ZNF30: variants seen among roughly 807,000 people sequenced by gnomAD.
ZNF30 encodes the protein zinc finger protein 30 (KOX 28).
ZNF30 carries 15 observed loss-of-function variants against 13.2 expected under a neutral mutation model. The ratio of observed to expected loss-of-function variants is 1.13; its 90% CI spans 0.76 to 1.75. The LOEUF (loss-of-function observed/expected upper bound fraction) is 1.75. Ranked by LOEUF, ZNF30 falls within the 40% of genes most tolerant of loss-of-function variation. The pLI, the probability that ZNF30 is intolerant of heterozygous loss-of-function variation, is 0.00. For missense variants in ZNF30, 726 were observed against 757.0 expected, an observed-to-expected ratio of 0.96 and a Z score of 0.48; for synonymous variants, 223 against 256.6, an observed-to-expected ratio of 0.87 and a Z score of 1.25.
intron 4 of ZNF30, among the ~76,000 whole-genome samples, chr19:34,938,547 C>CTA (rs1171754659): frequency 6.6e-6 from 1 of 151,992 alleles, no homozygotes; most frequent in Admixed American, 6.6e-5. Flanking sequence ...TGCTCTATAT[C>CTA]TATATATATA....
upstream of ZNF30, among the ~76,000 whole-genome samples, chr19:34,924,367 C>T (rs1433839022): frequency 6.6e-6 from 1 of 152,152 alleles, no homozygotes; most frequent in Non-Finnish European, 1.5e-5. Flanking sequence ...ATGGAACCCA[C>T]ATTTCCCTCT....
chr19:34,928,760 C>G (rs926568131), intron 1 of ZNF30, among the ~76,000 whole-genome samples: 2 of 151,890 alleles, frequency 1.3e-5, no homozygotes, highest in Admixed American at 6.6e-5. Flanking sequence ...TGCAGTGAGC[C>G]AAGATCACAC....
chr19:34,929,278 C>T lies in ZNF30; in HGVS notation c.-64-606C>T, dbSNP rs150491828. On this transcript the variant is annotated intron_variant, in intron 1 of 4. Transcript: ENST00000601142. The stretch of plus-strand genomic sequence containing the variant: ...CTCCAGCCTGGGTGACAGGGCGAGA[C>T]TCCGTCTCAAAAAATAAAACAAAAC... Among the ~76,000 whole-genome samples, 1,156 of 152,272 alleles carry T rather than the reference C, an allele frequency of 7.6e-3. 9 individuals are homozygous for T. Among genetic ancestry groups the T allele is most frequent in the Middle Eastern group, 0.027 (8 of 294 alleles).
intron 4 of ZNF30, among the ~76,000 whole-genome samples, chr19:34,938,811 A>T (rs1346804298): frequency 6.6e-6 from 1 of 152,162 alleles, no homozygotes; most frequent in Non-Finnish European, 1.5e-5. Context: ...GGGCAGCCTC[A>T]CCTGTTTTGT....
At position 34,944,608 on chromosome 19, in the gene ZNF30, G is replaced by GC; in HGVS notation, c.1644dup (p.Phe549LeufsTer17). 6.2e-7 allele frequency: 1 copy of GC among 1,614,072 alleles called. No individual in the cohort carries two copies. The highest frequency in any genetic ancestry group is 8.5e-7 in the Non-Finnish European group (1 of 1,179,970). ...CTATGAATGTAACAAATGTGGGAAA[G>GC]CCTTTACTGTTTATGGACAACTTAT... On this transcript the variant is annotated frameshift_variant, in exon 5 of 5. Transcript: ENST00000601142. LOFTEE classifies it high-confidence loss of function.
chr19:34,926,836 G>T (rs987611389), upstream of ZNF30: 3 of 396,444 alleles, frequency 7.6e-6, no homozygotes, highest in African/African-American at 4.1e-5. Context: ...AGCAACTCGA[G>T]CGCCTGCGCC....
At position 34,943,887 on chromosome 19, in the gene ZNF30, G is replaced by A. The variant is rs2013183673; in HGVS notation, c.921G>A (p.Gln307=). The change falls in exon 5 of 5, where the codon CAG becomes CAA. Residue 307 remains glutamine, a synonymous_variant. Transcript: ENST00000601142. ...FSTSSPLAKH[Q]RIHTGEKPYE... The stretch of plus-strand genomic sequence containing the variant: ...CTAGCTCACCCCTTGCTAAGCATCA[G>A]AGAATTCATACTGGCGAGAAACCCT... The A allele has an allele frequency of 6.2e-7, 1 of 1,614,170 alleles. No homozygotes were observed. The highest frequency in any genetic ancestry group is 8.5e-7 in the Non-Finnish European group (1 of 1,180,028).
chr19:34,942,636 T>G (rs1232736868), intron 4 of ZNF30: 3 of 1,289,276 alleles, frequency 2.3e-6, no homozygotes, highest in Non-Finnish European at 1.0e-6. Context: ...GCCAGAAGAT[T>G]TTTAGGCGAT....
In ZNF30 at chr19:34,931,551, T is replaced by C. The variant is rs906898109; in HGVS notation, c.10-292T>C. ...TAATTGTTTTTGAGAATTTGTTTCA[T>C]TGGATACCTAGCAGGCCATATCTTT... On this transcript the variant is annotated intron_variant, in intron 2 of 4. Transcript: ENST00000601142. Among the ~76,000 whole-genome samples, 3 of 152,234 alleles carry C rather than the reference T, an allele frequency of 2.0e-5. No individual in the cohort carries two copies. The South Asian group carries it at 6.2e-4, about 31-fold the overall frequency.
At chr19:34,926,330 C>T (rs1308810137), upstream of ZNF30, among the ~76,000 whole-genome samples, 1 of 152,068 alleles carries the variant, frequency 6.6e-6, no homozygotes, top group Non-Finnish European at 1.5e-5. Context: ...GGAAAAGGAA[C>T]CAGAAAGAGT....
Position 34,930,043 on chromosome 19 carries a change from AT to A in ZNF30, c.9+88del. On this transcript the variant is annotated intron_variant, in intron 2 of 4. Transcript: ENST00000601142. ...TTGACCTGAAGCATTCTTCATCAGA[AT>A]GTACCATCTAATTGCCTACTTGATT... 4 of 1,331,666 alleles carry A rather than the reference AT, an allele frequency of 3.0e-6. 1 individual carries two copies. In the South Asian group the frequency reaches 5.1e-5, roughly 17 times the overall value. 82.5% of individuals were successfully genotyped at this position (1,331,666 alleles called of 1,614,324 possible).
Position 34,945,029 on chromosome 19 carries a change from T to A in ZNF30, c.*191T>A. ...TTTATAGGTTTGTAATACCAATATT[T>A]ATACTGGTGGACCATTCAGAAAAAG... On this transcript the variant is annotated 3_prime_UTR_variant, in exon 5 of 5. Coordinates refer to ENST00000601142, the MANE Select transcript of ZNF30 (RefSeq NM_194325.3). 1 of 579,748 alleles carries A rather than the reference T, an allele frequency of 1.7e-6. No homozygotes were observed. The highest frequency in any genetic ancestry group is 2.8e-6 in the Non-Finnish European group (1 of 353,494). 35.9% of individuals were successfully genotyped at this position (579,748 alleles called of 1,614,324 possible).
rs1274068490 is a variant in ZNF30, at chr19:34,944,874, C to T, written c.*36C>T. 6.6e-7 allele frequency: 1 copy of T among 1,507,408 alleles called. No individual in the cohort carries two copies. Among genetic ancestry groups the T allele is most frequent in the Non-Finnish European group, 8.9e-7 (1 of 1,126,696 alleles). 93.4% of individuals were successfully genotyped at this position (1,507,408 alleles called of 1,614,324 possible). A position where few individuals can be genotyped will look rare whatever the true frequency, so the allele number is the denominator to read the frequency against. On this transcript the variant is annotated 3_prime_UTR_variant, in exon 5 of 5. Transcript: ENST00000601142. ...AGTGTGGGAAGTGCTTCGTGTGTGG[C>T]TCAAACATTGTTGAACATCGGGGAA...
chr19:34,942,612 T>A (rs2013100089), intron 4 of ZNF30: 9 of 1,288,594 alleles, frequency 7.0e-6, no homozygotes, highest in Non-Finnish European at 9.1e-6. Flanking sequence ...AGCTCCAGTC[T>A]ACAAACAAAA....
chr19:34,940,521 A>G (rs1489480223), intron 4 of ZNF30, among the ~76,000 whole-genome samples: 2 of 152,046 alleles, frequency 1.3e-5, no homozygotes, highest in Non-Finnish European at 2.9e-5. Flanking sequence ...TACAAAAATT[A>G]GCTGGGTATG....
At chr19:34,942,571 C>T in intron 4 of ZNF30, 1 of 1,207,552 alleles carries the variant, frequency 8.3e-7, no homozygotes, top group Non-Finnish European at 1.1e-6. Flanking sequence ...GATAAAGTGA[C>T]ATTTTATTTT....
At chr19:34,942,756 G>A (rs2013111884) in intron 4 of ZNF30, 1 of 526,202 alleles carries the variant, frequency 1.9e-6, no homozygotes, top group Admixed American at 2.6e-5. Context: ...GTCTTGATAT[G>A]AGGTCTGAGA....
At chr19:34,937,986 G>C (rs942213969) in intron 4 of ZNF30, among the ~76,000 whole-genome samples, 1 of 152,048 alleles carries the variant, frequency 6.6e-6, no homozygotes, top group Non-Finnish European at 1.5e-5. Flanking sequence ...AGTAGAGGTG[G>C]GGTTTCATCA....
chr19:34,941,060 TC>T (rs1281306356), intron 4 of ZNF30, among the ~76,000 whole-genome samples: 2 of 152,246 alleles, frequency 1.3e-5, no homozygotes, highest in African/African-American at 4.8e-5. Context: ...CGGTACTTTT[TC>T]TAAACAATGT....
Sources: allele counts gnomAD v4.1 joint callset (sites outside exome capture counted in the v4.1 genomes callset), GRCh38; gene constraint gnomAD v4.1.1; transcripts MANE v1.5; gene names NCBI Gene and HGNC (gene_info 2026-07-23, HGNC 2026-07-21).